The following NTN1 variants were observed in gnomAD, a reference collection of about 807,000 sequenced individuals.
NTN1 encodes the protein netrin-1.
A neutral mutation model predicts 54.2 loss-of-function variants in NTN1; 11 were observed. The observed-to-expected ratio is 0.20, with a 90% CI of 0.13 to 0.34. The LOEUF (loss-of-function observed/expected upper bound fraction) is 0.34, where lower values mean the gene tolerates loss of function less well. Among genes scored for constraint, NTN1 ranks in the 10% least tolerant of loss-of-function variants. NTN1 has a pLI of 1.00. For missense variants in NTN1, 740 were observed against 893.1 expected, an observed-to-expected ratio of 0.83 and a Z score of 2.18; for synonymous variants, 371 against 382.0, an observed-to-expected ratio of 0.97 and a Z score of 0.33.
chr17:9,020,661 G>A (rs1026277973), upstream of NTN1, among the ~76,000 whole-genome samples: 2 of 152,180 alleles, frequency 1.3e-5, no homozygotes, highest in African/African-American at 4.8e-5. Context: ...GCTATTACAG[G>A]GCTTTGCACC....
intron 2 of NTN1, among the ~76,000 whole-genome samples, chr17:9,153,984 G>A (rs1184933013): frequency 6.6e-6 from 1 of 152,226 alleles, no homozygotes; most frequent in Admixed American, 6.5e-5. Context: ...TTGAAACGAG[G>A]CATCCTCAAT....
intron 2 of NTN1, among the ~76,000 whole-genome samples, chr17:9,048,958 A>G (rs779604901): frequency 6.6e-6 from 1 of 152,144 alleles, no homozygotes; most frequent in Non-Finnish European, 1.5e-5. Context: ...GCCCGGCGGA[A>G]AATGCTTCTT....
chr17:9,231,072 C>T (rs549845142), intron 6 of NTN1, among the ~76,000 whole-genome samples: 5 of 152,176 alleles, frequency 3.3e-5, no homozygotes, highest in East Asian at 1.9e-4. Flanking sequence ...CCTGTGTCTC[C>T]GTGACCACAG....
chr17:9,180,540 A>C (rs1017942404), intron 4 of NTN1, among the ~76,000 whole-genome samples: 1 of 152,138 alleles, frequency 6.6e-6, no homozygotes, highest in African/African-American at 2.4e-5. Flanking sequence ...TCTCCTCAGC[A>C]CTGGCCCCAT....
chr17:9,065,484 G>A (rs2142211040), intron 2 of NTN1, among the ~76,000 whole-genome samples: 1 of 152,282 alleles, frequency 6.6e-6, no homozygotes, highest in East Asian at 1.9e-4. Flanking sequence ...CACCCGGTCT[G>A]AAGCACTGAC....
rs536818587 is a variant in NTN1, at chr17:9,118,602, A to C, written c.1019-44211A>C. Among the ~76,000 whole-genome samples the C allele has an allele frequency of 3.9e-5, 6 of 152,336 alleles. No homozygotes were observed. In the East Asian group the frequency reaches 1.2e-3, roughly 29 times the overall value. On this transcript the variant is annotated intron_variant, in intron 2 of 6. Coordinates refer to ENST00000173229, the MANE Select transcript of NTN1 (RefSeq NM_004822.3). ...TCACCATAATAGATTTTAGGACCCC[A>C]AAATAAAACCCATACCCATCAGCAC...
At chr17:9,119,741 T>C (rs1443852872) in intron 2 of NTN1, among the ~76,000 whole-genome samples, 4 of 152,124 alleles carry the variant, frequency 2.6e-5, no homozygotes, top group African/African-American at 7.2e-5. Flanking sequence ...CAAGCAATCT[T>C]TCTGCTCTGG....
the NTN1 span, among the ~76,000 whole-genome samples, chr17:9,011,150 G>C: frequency 6.6e-6 from 1 of 152,154 alleles, no homozygotes. Context: ...GTGGTAATGC[G>C]AGCGATGGGG....
At chr17:9,033,171 C>G (rs1021979282) in intron 2 of NTN1, among the ~76,000 whole-genome samples, 1 of 152,040 alleles carries the variant, frequency 6.6e-6, no homozygotes, top group African/African-American at 2.4e-5. Context: ...CCAGGCTCGT[C>G]TCGAACTCCT....
chr17:9,218,979 G>A (rs1905271869), intron 5 of NTN1, among the ~76,000 whole-genome samples: 1 of 151,972 alleles, frequency 6.6e-6, no homozygotes, highest in Non-Finnish European at 1.5e-5. Context: ...ACGTCACTCG[G>A]CACAACTTGC....
At position 9,219,659 on chromosome 17, in the gene NTN1, C is replaced by G. The variant is rs1212729566; in HGVS notation, c.1412-1509C>G. On this transcript the variant is annotated intron_variant, in intron 5 of 6. Transcript: ENST00000173229. This position sits in a 1 kb window ranked among gnomAD's most constrained non-coding sequence, Gnocchi z 4.5. ...CCTGGAGAGGTCTCCCTGAACACTC[C>G]CTGCAGATCTAAGTCCTGGGTTGGG... Among the ~76,000 whole-genome samples, 1 of 152,214 alleles carries G rather than the reference C, an allele frequency of 6.6e-6. No homozygotes were observed. The highest frequency in any genetic ancestry group is 2.4e-5 in the African/African-American group (1 of 41,456).
In NTN1 at chr17:9,022,467, G is replaced by C; in HGVS notation, c.94G>C (p.Ala32Pro). ...VRGGPGLSMF[A>P]GQAAQPDPCS... ...CGGCGGGCCCGGGCTCAGCATGTTC[G>C]CGGGCCAGGCGGCGCAGCCCGATCC... is the stretch of plus-strand genomic sequence containing the variant. Residue 32 changes from alanine (A) to proline (P), a missense_variant, in exon 2 of 7, where the codon GCG (alanine) becomes CCG (proline). Transcript: ENST00000173229. The C allele has an allele frequency of 6.6e-7, 1 of 1,519,986 alleles. No individual in the cohort carries two copies. 94.2% of individuals were successfully genotyped at this position (1,519,986 alleles called of 1,614,324 possible). A position where few individuals can be genotyped will look rare whatever the true frequency, so the allele number is the denominator to read the frequency against.
At position 9,118,139 on chromosome 17, in the gene NTN1, C is replaced by A. The variant is rs75578567; in HGVS notation, c.1019-44674C>A. Among the ~76,000 whole-genome samples the A allele has an allele frequency of 8.7e-4, 132 of 152,328 alleles. 1 individual carries two copies. In the East Asian group the frequency reaches 0.022, roughly 25 times the overall value. ...AAAGGGGTATAATGTCAGTGTCTACCTCCAAGCAATGTGAGGATTAAGTGT... is the reference window on the plus strand; with the variant it reads ...AAAGGGGTATAATGTCAGTGTCTACATCCAAGCAATGTGAGGATTAAGTGT... On this transcript the variant is annotated intron_variant, in intron 2 of 6. Coordinates refer to ENST00000173229, the MANE Select transcript of NTN1 (RefSeq NM_004822.3).
intron 2 of NTN1, among the ~76,000 whole-genome samples, chr17:9,106,398 C>A (rs1187349159): frequency 6.6e-6 from 1 of 152,188 alleles, no homozygotes; most frequent in African/African-American, 2.4e-5. Flanking sequence ...ACGGAATATC[C>A]TACATGTAGT....
chr17:9,146,667 A>T (rs1327846309), intron 2 of NTN1, among the ~76,000 whole-genome samples: 2 of 152,176 alleles, frequency 1.3e-5, no homozygotes, highest in African/African-American at 2.4e-5. Context: ...GTGCTGAGAC[A>T]GAGTGAGGCG....
intron 2 of NTN1, among the ~76,000 whole-genome samples, chr17:9,084,409 A>C (rs986097692): frequency 1.3e-5 from 2 of 152,200 alleles, no homozygotes; most frequent in African/African-American, 4.8e-5. Context: ...CAAACCCCAA[A>C]GTGTCCTCAT....
At position 9,172,156 on chromosome 17, in the gene NTN1, G is replaced by A. The variant is rs182173370; in HGVS notation, c.1208-7651G>A. ...GCCCACCTGGTAATCCCAAAGTGCC[G>A]GGATTACAGATGTGAGCCACTGCGC... is the stretch of plus-strand genomic sequence containing the variant. On this transcript the variant is annotated intron_variant, in intron 3 of 6. Coordinates refer to ENST00000173229, the MANE Select transcript of NTN1 (RefSeq NM_004822.3). Among the ~76,000 whole-genome samples, 128 of 152,162 alleles carry A rather than the reference G, an allele frequency of 8.4e-4. 2 individuals carry two copies. The Middle Eastern group carries it at 0.017, about 20-fold the overall frequency.
intron 2 of NTN1, among the ~76,000 whole-genome samples, chr17:9,092,022 C>A (rs1380706807): frequency 1.3e-5 from 2 of 151,702 alleles, no homozygotes; most frequent in Admixed American, 1.3e-4. Context: ...TCCTGAGTAC[C>A]TGGATTACAG....
chr17:9,224,349 G>T (rs991039317), intron 6 of NTN1, among the ~76,000 whole-genome samples: 3 of 152,176 alleles, frequency 2.0e-5, no homozygotes, highest in African/African-American at 7.2e-5. Context: ...TGTTGTGGCC[G>T]CCCTGGGCAA....
Sources: gnomAD v4.1 joint callset for allele counts (sites outside exome capture counted in the v4.1 genomes callset) on GRCh38, gnomAD v4.1.1 for gene constraint, Gnocchi (gnomAD v3.1) non-coding constraint, MANE v1.5 for transcripts, NCBI Gene and HGNC (gene_info 2026-07-23, HGNC 2026-07-21) for gene names.